Variants in SAMMSON observed in about 807,000 individuals in gnomAD.
SAMMSON encodes the protein long intergenic non-protein coding RNA 1212.
At chr3:70,324,137 A>T (rs1371916447) in intron 7 of SAMMSON, among the ~76,000 whole-genome samples, 1 of 151,730 alleles carries the variant, frequency 6.6e-6, no homozygotes, top group African/African-American at 2.4e-5. Context: ...TCCCTGTAAC[A>T]GACCCCTTTA....
intron 4 of SAMMSON, among the ~76,000 whole-genome samples, chr3:70,186,635 C>A (rs1701094249): frequency 6.6e-6 from 1 of 151,936 alleles, no homozygotes; most frequent in Non-Finnish European, 1.5e-5. Flanking sequence ...ATTGATGGCA[C>A]CGAATTGAGG....
chr3:70,077,602 T>A (rs1050344546), intron 4 of SAMMSON, among the ~76,000 whole-genome samples: 3 of 152,176 alleles, frequency 2.0e-5, no homozygotes. Context: ...ATATGTAACA[T>A]GTGTTTATAT....
intron 9 of SAMMSON, among the ~76,000 whole-genome samples, chr3:70,378,879 A>G (rs1456469525): frequency 6.6e-6 from 1 of 152,152 alleles, no homozygotes; most frequent in Admixed American, 6.6e-5. Context: ...TGATATATAC[A>G]TAAACGCAGA....
chr3:70,171,836 CT>C (rs1255906824), intron 4 of SAMMSON, among the ~76,000 whole-genome samples: 1 of 151,880 alleles, frequency 6.6e-6, no homozygotes, highest in Non-Finnish European at 1.5e-5. Context: ...TCTCCCACCC[CT>C]GCCACATATT....
At chr3:70,325,754 G>T (rs1002329520) in intron 7 of SAMMSON, among the ~76,000 whole-genome samples, 14 of 152,080 alleles carry the variant, frequency 9.2e-5, no homozygotes, top group African/African-American at 2.7e-4. Context: ...AAAACAAAGG[G>T]CCAGTCCTTG....
chr3:70,309,677 A>T (rs1014777621), intron 7 of SAMMSON, among the ~76,000 whole-genome samples: 2 of 152,242 alleles, frequency 1.3e-5, no homozygotes, highest in South Asian at 4.1e-4. Flanking sequence ...CTTTTTCTTA[A>T]CATTGAAAAA....
chr3:70,286,314 G>A (rs1702162104), intron 6 of SAMMSON, among the ~76,000 whole-genome samples: 1 of 152,200 alleles, frequency 6.6e-6, no homozygotes, highest in East Asian at 1.9e-4. Context: ...ATTAAATAGG[G>A]AATCCTTTCC....
chr3:70,087,739 C>A (rs1002581138), intron 4 of SAMMSON, among the ~76,000 whole-genome samples: 3 of 152,090 alleles, frequency 2.0e-5, no homozygotes, highest in Admixed American at 6.5e-5. Context: ...CAAGAATGAT[C>A]AGAAGAGAAT....
chr3:70,015,494 T>G (rs1048879720), intron 3 of SAMMSON, among the ~76,000 whole-genome samples: 69 of 152,212 alleles, frequency 4.5e-4, no homozygotes, highest in African/African-American at 1.5e-3. Flanking sequence ...GAGACATTAC[T>G]TAGTATCTGC....
intron 2 of SAMMSON, among the ~76,000 whole-genome samples, chr3:70,402,905 C>T (rs1480404102): frequency 6.6e-6 from 1 of 151,908 alleles, no homozygotes; most frequent in Non-Finnish European, 1.5e-5. Flanking sequence ...ATATCTCTCT[C>T]TACCATTTAT....
intron 9 of SAMMSON, among the ~76,000 whole-genome samples, chr3:70,360,153 G>C (rs550770737): frequency 6.6e-6 from 1 of 152,178 alleles, no homozygotes; most frequent in East Asian, 1.9e-4. Flanking sequence ...GAGGGAGGGG[G>C]AAGATAAAGA....
Position 70,385,162 on chromosome 3 carries a change from A to C in SAMMSON, n.914-4412A>C, listed in dbSNP as rs116414008. Reference sequence around the variant, plus strand: ...AAAAGCACGGTGTTGTAGTTTCAGCATCTGGGTTCCAATCCTCCTTTTCTC... The same window carrying C: ...AAAAGCACGGTGTTGTAGTTTCAGCCTCTGGGTTCCAATCCTCCTTTTCTC... On this transcript the variant is annotated intron_variant and non_coding_transcript_variant, in intron 9 of 9. Coordinates refer to ENST00000642114, the Ensembl canonical transcript of SAMMSON. Among the ~76,000 whole-genome samples, 935 of 152,210 alleles carry C rather than the reference A, an allele frequency of 6.1e-3. 3 individuals carry two copies. The highest frequency in any genetic ancestry group is 0.021 in the African/African-American group (886 of 41,552).
chr3:70,409,606 G>GTAAA (rs1701202533), intron 2 of SAMMSON, among the ~76,000 whole-genome samples: 1 of 152,100 alleles, frequency 6.6e-6, no homozygotes, highest in African/African-American at 2.4e-5. Flanking sequence ...TCCCATGCTT[G>GTAAA]GTTTCCTCTT....
At chr3:70,119,591 T>C (rs2067424737) in intron 4 of SAMMSON, among the ~76,000 whole-genome samples, 1 of 152,332 alleles carries the variant, frequency 6.6e-6, no homozygotes, top group Admixed American at 6.5e-5. Flanking sequence ...AGGAATCCAC[T>C]TTCCTGGACA....
intron 3 of SAMMSON, among the ~76,000 whole-genome samples, chr3:70,053,474 C>T (rs2067153883): frequency 6.6e-6 from 1 of 152,128 alleles, no homozygotes; most frequent in Admixed American, 6.6e-5. Flanking sequence ...ATGAGAGCCA[C>T]TAGTGGTGAG....
At chr3:70,247,963 T>C (rs929382122) in intron 4 of SAMMSON, among the ~76,000 whole-genome samples, 1 of 152,086 alleles carries the variant, frequency 6.6e-6, no homozygotes, top group Non-Finnish European at 1.5e-5. Flanking sequence ...ACAAATAAAG[T>C]AGAATTTAAT....
intron 7 of SAMMSON, among the ~76,000 whole-genome samples, chr3:70,307,468 T>A (rs1251044715): frequency 6.6e-6 from 1 of 152,172 alleles, no homozygotes; most frequent in Admixed American, 6.6e-5. Flanking sequence ...CTTGGCTTAA[T>A]GGGGTATTAC....
At chr3:70,402,897 ATCTC>A (rs376798728) in intron 2 of SAMMSON, among the ~76,000 whole-genome samples, 183 of 152,080 alleles carry the variant, frequency 1.2e-3, no homozygotes, top group Non-Finnish European at 2.4e-3. Flanking sequence ...GTATATATAT[ATCTC>A]TCTCTACCAT....
intron 3 of SAMMSON, among the ~76,000 whole-genome samples, chr3:70,056,516 T>C (rs2067168465): frequency 6.6e-6 from 1 of 151,924 alleles, no homozygotes; most frequent in Non-Finnish European, 1.5e-5. Flanking sequence ...CCTTTTCCAA[T>C]TTTCATGACC....
Sources: allele counts gnomAD v4.1 joint callset (sites outside exome capture counted in the v4.1 genomes callset), GRCh38; gene constraint gnomAD v4.1.1; transcripts MANE v1.5; gene names NCBI Gene and HGNC (gene_info 2026-07-23, HGNC 2026-07-21).